The following MAPRE2 variants were observed in gnomAD, a reference collection of about 807,000 sequenced individuals.
MAPRE2 encodes microtubule associated protein RP/EB family member 2.
MAPRE2 carries 13 observed loss-of-function variants against 43.2 expected under a neutral mutation model. The ratio of observed to expected loss-of-function variants is 0.30; its 90% CI spans 0.20 to 0.48. The LOEUF is 0.48. Ranked by LOEUF, MAPRE2 falls within the 20% of genes least tolerant of loss-of-function variation. The pLI, the probability that MAPRE2 is intolerant of heterozygous loss-of-function variation, is 0.99. For synonymous variants in MAPRE2, 135 were observed against 148.8 expected, an observed-to-expected ratio of 0.91 and a Z score of 0.68; for missense variants, 161 against 400.2, an observed-to-expected ratio of 0.40 and a Z score of 5.10.
chr18:34,985,544 T>TATATTATAAATATA (rs2097020222), intron 1 of MAPRE2, among the ~76,000 whole-genome samples: 2 of 62,798 alleles, frequency 3.2e-5, no homozygotes, highest in African/African-American at 1.3e-4. Context: ...TAATATATAA[T>TATATTATAAATATA]ATATATATTA....
intron 1 of MAPRE2, chr18:34,978,360 A>C (rs2097014313): frequency 1.4e-6 from 1 of 720,872 alleles, no homozygotes; most frequent in Non-Finnish European, 2.4e-6. Flanking sequence ...AACTTCCTTG[A>C]TTAGCATAGT....
chr18:35,041,324 G>A (rs888607242), upstream of MAPRE2: 2 of 1,426,234 alleles, frequency 1.4e-6, no homozygotes, highest in Non-Finnish European at 1.8e-6. Context: ...CAACAGGCTG[G>A]CCACGTGACC....
At chr18:34,981,880 T>TTA (rs1361408132) in intron 1 of MAPRE2, among the ~76,000 whole-genome samples, 2 of 33,202 alleles carry the variant, frequency 6.0e-5, no homozygotes, top group Non-Finnish European at 1.8e-4. Context: ...TTTTTTTATT[T>TTA]TTATTTATTT....
rs117521517 is a variant in MAPRE2 at position 35,029,326 on chromosome 18, G to A, written c.-8+23773G>A. On this transcript the variant is annotated intron_variant, in intron 2 of 7. Coordinates refer to the MAPRE2 transcript ENST00000413393. ...TGCCGGCCTCATGTTCCCTTGACAC[G>A]CTGTCGAGGAGCCATCCAGAAGCCA... is the stretch of plus-strand genomic sequence containing the variant. Among the ~76,000 whole-genome samples the A allele has an allele frequency of 3.3e-3, 504 of 152,168 alleles. 21 individuals carry two copies. The East Asian group carries it at 0.08, about 24-fold the overall frequency.
intron 4 of MAPRE2, among the ~76,000 whole-genome samples, chr18:35,123,813 C>A (rs1909790512): frequency 6.6e-6 from 1 of 152,192 alleles, no homozygotes; most frequent in East Asian, 1.9e-4. Flanking sequence ...TATTGAATTT[C>A]TCTGGGTTAG....
At chr18:34,978,070 G>A (rs752600961) in intron 1 of MAPRE2, among the ~76,000 whole-genome samples, 11 of 152,138 alleles carry the variant, frequency 7.2e-5, no homozygotes, top group African/African-American at 9.7e-5. Context: ...TAACCCCCAA[G>A]CCCCTCCTGC....
At chr18:34,989,166 T>G (rs1326999252) in intron 1 of MAPRE2, among the ~76,000 whole-genome samples, 1 of 152,228 alleles carries the variant, frequency 6.6e-6, no homozygotes, top group African/African-American at 2.4e-5. Context: ...GAAGTACTCC[T>G]AATGTTAACC....
At position 34,985,572 on chromosome 18, in the gene MAPRE2, A is replaced by G. The variant is rs1280425828; in HGVS notation, c.-70+8493A>G. Among the ~76,000 whole-genome samples the G allele has an allele frequency of 6.3e-4, 53 of 83,698 alleles. 1 individual carries two copies. Among genetic ancestry groups the G allele is most frequent in the Non-Finnish European group, 9.9e-4 (47 of 47,658 alleles). 54.9% of individuals were successfully genotyped at this position (83,698 alleles called of 152,430 possible). ...ATATATTATATATTATAAATATAATATATAAACTATAAACTATAATATATA... is the reference window on the plus strand; with the variant it reads ...ATATATTATATATTATAAATATAATGTATAAACTATAAACTATAATATATA... On this transcript the variant is annotated intron_variant, in intron 1 of 7. Transcript: ENST00000413393.
In MAPRE2 at chr18:35,033,569, A is replaced by C. The variant is rs141119252; in HGVS notation, c.-8+28016A>C. 4.5e-3 allele frequency among the ~76,000 whole-genome samples: 679 copies of C among 151,762 alleles called. 6 individuals are homozygous for C. The highest frequency in any genetic ancestry group is 0.016 in the African/African-American group (645 of 41,322). On this transcript the variant is annotated intron_variant, in intron 2 of 7. Transcript: ENST00000413393. ...TTCAAATTAGGAAAAGAGGAAGTCA[A>C]ATTGTCCCTGTTTGCAGATGACATG...
chr18:35,074,272 CA>C (rs1189629915), intron 2 of MAPRE2, among the ~76,000 whole-genome samples: 2 of 151,860 alleles, frequency 1.3e-5, no homozygotes, highest in Non-Finnish European at 2.9e-5. Flanking sequence ...ACAGCTTGGG[CA>C]GGGGGGTGAT....
intron 1 of MAPRE2, among the ~76,000 whole-genome samples, chr18:34,983,046 C>A (rs1200607609): frequency 6.6e-6 from 1 of 152,134 alleles, no homozygotes; most frequent in Non-Finnish European, 1.5e-5. Flanking sequence ...CCCACAAAAC[C>A]TAAAATATTT....
intron 2 of MAPRE2, among the ~76,000 whole-genome samples, chr18:35,017,913 T>G (rs991027771): frequency 6.6e-6 from 1 of 151,804 alleles, no homozygotes; most frequent in Non-Finnish European, 1.5e-5. Context: ...GTTCTCAATA[T>G]GAATGCATCC....
intron 4 of MAPRE2, among the ~76,000 whole-genome samples, chr18:35,124,198 G>A (rs1909809150): frequency 6.6e-6 from 1 of 152,146 alleles, no homozygotes; most frequent in Admixed American, 6.5e-5. Flanking sequence ...AATTATGGCT[G>A]AAGGGGAAGC....
intron 1 of MAPRE2, among the ~76,000 whole-genome samples, chr18:34,980,031 C>CTTTTTTTTTTT (rs796434537): frequency 9.3e-4 from 43 of 46,140 alleles, no homozygotes; most frequent in South Asian, 1.9e-3. Context: ...TTCTTTTTTT[C>CTTTTTTTTTTT]TTTTTTTTTT....
At chr18:35,034,370 A>G (rs1274076044) in intron 2 of MAPRE2, among the ~76,000 whole-genome samples, 2 of 152,244 alleles carry the variant, frequency 1.3e-5, no homozygotes, top group Non-Finnish European at 2.9e-5. Flanking sequence ...TTAATTCAAG[A>G]TGGATTAAAG....
intron 4 of MAPRE2, among the ~76,000 whole-genome samples, chr18:35,104,242 T>C (rs973550185): frequency 6.6e-5 from 10 of 152,112 alleles, no homozygotes; most frequent in Non-Finnish European, 7.4e-5. Context: ...AGAGAATTGG[T>C]CCATTAAAAT....
chr18:35,007,752 C>A (rs1329796048), intron 2 of MAPRE2, among the ~76,000 whole-genome samples: 1 of 152,174 alleles, frequency 6.6e-6, no homozygotes, highest in South Asian at 2.1e-4. Flanking sequence ...TTTATTTAAC[C>A]CTTTCAGGAA....
At chr18:35,003,773 A>G (rs1012582540) in intron 1 of MAPRE2, among the ~76,000 whole-genome samples, 8 of 152,216 alleles carry the variant, frequency 5.3e-5, no homozygotes, top group African/African-American at 1.9e-4. Context: ...AACTTTCTGG[A>G]AAATTGAAGG....
intron 4 of MAPRE2, among the ~76,000 whole-genome samples, chr18:35,114,509 A>C (rs1909320660): frequency 6.6e-6 from 1 of 152,168 alleles, no homozygotes; most frequent in Non-Finnish European, 1.5e-5. Context: ...ATTAGCTCAA[A>C]AGCAGAAGTG....
Sources: allele counts gnomAD v4.1 joint callset (sites outside exome capture counted in the v4.1 genomes callset), GRCh38; gene constraint gnomAD v4.1.1; transcripts MANE v1.5; gene names NCBI Gene and HGNC (gene_info 2026-07-23, HGNC 2026-07-21).